FSD1L: variants seen among roughly 807,000 people sequenced by gnomAD.
The protein encoded by FSD1L is FSD1-like protein.
FSD1L carries 45 observed loss-of-function variants against 71.6 expected under a neutral mutation model. That is an observed-to-expected ratio of 0.63 (90% CI 0.49 to 0.81). FSD1L has a LOEUF of 0.81. Ranked by LOEUF, FSD1L falls within the 30% of genes least tolerant of loss-of-function variation. The pLI, the probability that FSD1L is intolerant of heterozygous loss-of-function variation, is 0.00. For missense variants in FSD1L, 561 were observed against 618.1 expected (o/e 0.91, Z 0.98); for synonymous variants, 197 against 207.2 (o/e 0.95, Z 0.42).
intron 2 of FSD1L, among the ~76,000 whole-genome samples, chr9:105,463,847 T>G (rs144804553): frequency 6.6e-5 from 10 of 152,340 alleles, no homozygotes; most frequent in Non-Finnish European, 1.3e-4. Context: ...TGAATTTGTG[T>G]CTCCTCACTT....
chr9:105,521,130 T>G (rs1409583975), intron 10 of FSD1L: 1 of 1,613,806 alleles, frequency 6.2e-7, no homozygotes, highest in Non-Finnish European at 8.5e-7. Context: ...AGCAATCTAT[T>G]GTACAAAGGA....
chr9:105,533,713 G>C (rs1026288422), intron 10 of FSD1L, among the ~76,000 whole-genome samples: 1 of 89,630 alleles, frequency 1.1e-5, no homozygotes, highest in South Asian at 3.0e-4. Flanking sequence ...GAGCCACCGC[G>C]TGCAGCCCCC....
intron 8 of FSD1L, 73 bp downstream of exon 8, chr9:105,506,681 T>G: frequency 8.8e-7 from 1 of 1,138,222 alleles, no homozygotes; most frequent in Non-Finnish European, 1.3e-6. Flanking sequence ...TTGAGTTACT[T>G]TAAAGAATAA....
At chr9:105,476,300 A>T (rs1267646574) in intron 5 of FSD1L, among the ~76,000 whole-genome samples, 3 of 151,896 alleles carry the variant, frequency 2.0e-5, no homozygotes, top group Non-Finnish European at 2.9e-5. Context: ...CTCTTCCCTC[A>T]TTGCCTCCCT....
In FSD1L at chr9:105,548,162, A is replaced by T. The variant is rs1404295446; in HGVS notation, c.*1679A>T. The stretch of plus-strand genomic sequence containing the variant: ...GACTGCAAGGCAGTTTAGAGAATGA[A>T]GTAAACCAATAGATACTCTTTTGAT... On this transcript the variant is annotated 3_prime_UTR_variant, in exon 14 of 14. Transcript: ENST00000481272. 1 of 152,152 alleles carries T rather than the reference A, an allele frequency of 6.6e-6. No individual in the cohort carries two copies. The highest frequency in any genetic ancestry group is 2.4e-5 in the African/African-American group (1 of 41,458). The allele number at this position is 152,152 out of a possible 1,614,324, so 9.4% of individuals were successfully genotyped here.
At chr9:105,467,585 C>T (rs1196033038) in intron 3 of FSD1L, among the ~76,000 whole-genome samples, 2 of 152,124 alleles carry the variant, frequency 1.3e-5, no homozygotes, top group African/African-American at 4.8e-5. Flanking sequence ...CAGGATTTGA[C>T]TACAAATTCT....
At chr9:105,519,474 T>C (rs1420981632) in intron 10 of FSD1L, among the ~76,000 whole-genome samples, 1 of 152,150 alleles carries the variant, frequency 6.6e-6, no homozygotes, top group African/African-American at 2.4e-5. Context: ...GCTTCATCCT[T>C]AGGATGCAAG....
At chr9:105,448,382 CCG>C in intron 1 of FSD1L, 147 bp downstream of exon 1, 1 of 713,722 alleles carries the variant, frequency 1.4e-6, no homozygotes, top group Non-Finnish European at 2.0e-6. Context: ...GGCCGCCCGG[CCG>C]CTCTCTGGGC....
chr9:105,444,263 A>C (rs1424671362), upstream of FSD1L, among the ~76,000 whole-genome samples: 1 of 152,188 alleles, frequency 6.6e-6, no homozygotes, highest in Non-Finnish European at 1.5e-5. Flanking sequence ...GACCTACATA[A>C]TCCCCTTTAA....
intron 10 of FSD1L, chr9:105,521,649 G>A (rs1192307152): frequency 6.2e-7 from 1 of 1,613,228 alleles, no homozygotes; most frequent in Non-Finnish European, 8.5e-7. Flanking sequence ...CCCTTGCATT[G>A]AAAATGTCAC....
chr9:105,520,273 A>G, intron 10 of FSD1L: 1 of 1,579,994 alleles, frequency 6.3e-7, no homozygotes, highest in South Asian at 1.1e-5. Context: ...GCATTCATCC[A>G]GATGCCTGAA....
chr9:105,515,563 C>T (rs1834661135), intron 10 of FSD1L, among the ~76,000 whole-genome samples: 1 of 152,084 alleles, frequency 6.6e-6, no homozygotes, highest in Admixed American at 6.5e-5. Flanking sequence ...TGTTGTCTCA[C>T]CCAGGAAGTG....
intron 4 of FSD1L, among the ~76,000 whole-genome samples, chr9:105,468,561 C>T (rs1422024764): frequency 6.7e-6 from 1 of 148,472 alleles, no homozygotes; most frequent in Non-Finnish European, 1.5e-5. Context: ...CTGGAGTGAT[C>T]TTGGTTCATT....
Position 105,448,056 on chromosome 9 carries a change from G to A in FSD1L, c.-165G>A, listed in dbSNP as rs1312700958. The A allele has an allele frequency of 5.4e-6, 4 of 744,504 alleles. No homozygotes were observed. The highest frequency in any genetic ancestry group is 9.1e-6 in the Non-Finnish European group (4 of 441,152). The allele number at this position is 744,504 out of a possible 1,614,324, so 46.1% of individuals were successfully genotyped here. A position where few individuals can be genotyped will look rare whatever the true frequency, so the allele number is the denominator to read the frequency against. On this transcript the variant is annotated 5_prime_UTR_variant, in exon 1 of 14. In the 5' UTR this introduces an upstream ATG that the reference lacks. Transcript: ENST00000481272. ...GCCCTTTCACCCTGGCAACCGCGGCGTGACTACGGCGCGCGCGGTCTGGGC... is the reference window on the plus strand; with the variant it reads ...GCCCTTTCACCCTGGCAACCGCGGCATGACTACGGCGCGCGCGGTCTGGGC...
intron 1 of FSD1L, among the ~76,000 whole-genome samples, chr9:105,454,310 A>T (rs887738865): frequency 2.6e-5 from 4 of 152,176 alleles, no homozygotes; most frequent in Non-Finnish European, 5.9e-5. Context: ...TTAATGATTC[A>T]ACAGAATTCT....
At chr9:105,497,622 G>T (rs554136829) in intron 7 of FSD1L, among the ~76,000 whole-genome samples, 16 of 152,242 alleles carry the variant, frequency 1.1e-4, no homozygotes, top group African/African-American at 3.1e-4. Context: ...GTCCTTTTGG[G>T]TTATCAAATT....
At chr9:105,513,650 C>G in intron 10 of FSD1L, 1 of 1,520,040 alleles carries the variant, frequency 6.6e-7, no homozygotes, top group Non-Finnish European at 8.8e-7. Flanking sequence ...CTATGTCTGT[C>G]TAGTTCTAGG....
intron 3 of FSD1L, among the ~76,000 whole-genome samples, chr9:105,466,493 G>T (rs1831080696): frequency 6.6e-6 from 1 of 152,116 alleles, no homozygotes; most frequent in Non-Finnish European, 1.5e-5. Context: ...AGGAGTTCAA[G>T]ACCAGCCTGG....
Position 105,484,399 on chromosome 9 carries a change from C to CT in FSD1L, c.486dup (p.Arg163SerfsTer10), listed in dbSNP as rs1476027545. The CT allele has an allele frequency of 6.6e-7, 1 of 1,525,768 alleles. No individual in the cohort carries two copies. Among genetic ancestry groups the CT allele is most frequent in the South Asian group, 1.3e-5 (1 of 78,356 alleles). The allele number at this position is 1,525,768 out of a possible 1,614,324, so 94.5% of individuals were successfully genotyped here. A position where few individuals can be genotyped will look rare whatever the true frequency, so the allele number is the denominator to read the frequency against. On this transcript the variant is annotated frameshift_variant, in exon 7 of 14. Coordinates refer to ENST00000481272, the MANE Select transcript of FSD1L (RefSeq NM_001145313.3). LOFTEE classifies it high-confidence loss of function. ...ACCGTAGAGTCACAATGGCTTCAGC[C>CT]TTTCGCCTTTCTTTGAAACCAAAGG... is the stretch of plus-strand genomic sequence containing the variant.
Sources: gnomAD v4.1 joint callset for allele counts (sites outside exome capture counted in the v4.1 genomes callset) on GRCh38, gnomAD v4.1.1 for gene constraint, MANE v1.5 for transcripts, NCBI Gene and HGNC (gene_info 2026-07-23, HGNC 2026-07-21) for gene names.